GRID1: variants seen among roughly 807,000 people sequenced by gnomAD.
GRID1 encodes glutamate ionotropic receptor delta type subunit 1, also known as glutamate receptor ionotropic, delta-1.
Under a neutral mutation model 98.0 loss-of-function variants are expected in GRID1, and 28 were observed. The observed-to-expected ratio is 0.29, with a 90% confidence interval of 0.21 to 0.39. The LOEUF (loss-of-function observed/expected upper bound fraction) is 0.39, where lower values mean the gene tolerates loss of function less well. Ranked by LOEUF, GRID1 falls within the 10% of genes least tolerant of loss-of-function variation. The probability of loss-of-function intolerance (pLI) is 1.00; values close to 1 mark genes in which losing one functional copy is unlikely to be tolerated. For missense variants in GRID1, 1,111 were observed against 1,340.5 expected (o/e 0.83, Z 2.67); for synonymous variants, 553 against 538.5 (o/e 1.03, Z -0.37).
chr10:86,262,650 C>G (rs1847034217), intron 2 of GRID1, among the ~76,000 whole-genome samples: 2 of 152,222 alleles, frequency 1.3e-5, no homozygotes, highest in South Asian at 4.1e-4. Flanking sequence ...TCACTGTTAA[C>G]AAACTGAGCT....
intron 12 of GRID1, among the ~76,000 whole-genome samples, chr10:85,661,169 A>ATT (rs1261011218): frequency 7.3e-6 from 1 of 137,130 alleles, no homozygotes; most frequent in African/African-American, 2.7e-5. Context: ...TTGAATCTGC[A>ATT]TTTTTTTTTT....
At chr10:85,865,956 G>GATATATATATATATATATATAT (rs1843215575) in intron 6 of GRID1, among the ~76,000 whole-genome samples, 1 of 7,126 alleles carries the variant, frequency 1.4e-4, no homozygotes, top group Non-Finnish European at 2.6e-4. Flanking sequence ...CATATATATG[G>GATATATATATATATATATATAT]AGAGAGAGAG....
intron 2 of GRID1, among the ~76,000 whole-genome samples, chr10:86,231,888 A>G (rs971526423): frequency 2.3e-4 from 35 of 152,206 alleles, no homozygotes; most frequent in Non-Finnish European, 4.0e-4. Context: ...CCTCCATGTG[A>G]CCATGATTCC....
At chr10:86,218,361 G>T (rs1044472180) in intron 2 of GRID1, among the ~76,000 whole-genome samples, 1 of 152,014 alleles carries the variant, frequency 6.6e-6, no homozygotes, top group African/African-American at 2.4e-5. Flanking sequence ...CCCCTGCTAG[G>T]CCCTCAGCTG....
At chr10:85,975,814 T>G (rs1474999368) in intron 4 of GRID1, among the ~76,000 whole-genome samples, 1 of 152,212 alleles carries the variant, frequency 6.6e-6, no homozygotes, top group Non-Finnish European at 1.5e-5. Flanking sequence ...TCCCAAAAAC[T>G]TAATTCATGC....
At chr10:86,205,550 T>C (rs778443721) in intron 3 of GRID1, among the ~76,000 whole-genome samples, 4 of 152,216 alleles carry the variant, frequency 2.6e-5, no homozygotes, top group Admixed American at 6.5e-5. Flanking sequence ...AATATTGTAC[T>C]ACAGCTATGC....
At chr10:86,040,740 A>C (rs1412260079) in intron 4 of GRID1, among the ~76,000 whole-genome samples, 1 of 152,126 alleles carries the variant, frequency 6.6e-6, no homozygotes, top group Non-Finnish European at 1.5e-5. Flanking sequence ...TAAAAGAGAG[A>C]ATTTTGAATG....
chr10:86,228,820 C>T (rs1380847509), intron 2 of GRID1, among the ~76,000 whole-genome samples: 1 of 152,172 alleles, frequency 6.6e-6, no homozygotes, highest in Non-Finnish European at 1.5e-5. Flanking sequence ...TTTATACTCA[C>T]TTGGCAACCA....
chr10:86,249,936 G>C (rs1015786121), intron 2 of GRID1, among the ~76,000 whole-genome samples: 2 of 152,118 alleles, frequency 1.3e-5, no homozygotes, highest in African/African-American at 4.8e-5. Context: ...GTGGGTAGAT[G>C]GATGGATAGG....
At chr10:85,722,636 A>G (rs1841716391) in intron 12 of GRID1, among the ~76,000 whole-genome samples, 1 of 152,188 alleles carries the variant, frequency 6.6e-6, no homozygotes, top group Non-Finnish European at 1.5e-5. Context: ...GAAGATTGAA[A>G]AAAGCATATA....
chr10:85,629,099 A>G (rs1357272674), intron 13 of GRID1, among the ~76,000 whole-genome samples: 1 of 152,174 alleles, frequency 6.6e-6, no homozygotes, highest in Non-Finnish European at 1.5e-5. Context: ...TGCCTGTCTC[A>G]TCCTGGTATT....
intron 2 of GRID1, among the ~76,000 whole-genome samples, chr10:86,233,050 A>G (rs906974764): frequency 6.6e-6 from 1 of 152,146 alleles, no homozygotes; most frequent in Non-Finnish European, 1.5e-5. Flanking sequence ...CAGGATAACC[A>G]AAGAGAGTAC....
At position 85,916,084 on chromosome 10, in the gene GRID1, A is replaced by G. The variant is rs2131824393; in HGVS notation, c.780+102T>C. 1 of 899,772 alleles carries G rather than the reference A, an allele frequency of 1.1e-6. No homozygotes were observed. The highest frequency in any genetic ancestry group is 2.5e-5 in the East Asian group (1 of 39,844). 55.7% of individuals were successfully genotyped at this position (899,772 alleles called of 1,614,324 possible). A position where few individuals can be genotyped will look rare whatever the true frequency, so the allele number is the denominator to read the frequency against. ...TAGGTGGAGCCCCAGGATTCACAACAGCCCCCTAAGTCAGAATTGAACTGA... is the reference window on the plus strand; with the variant it reads ...TAGGTGGAGCCCCAGGATTCACAACGGCCCCCTAAGTCAGAATTGAACTGA... On this transcript the variant is annotated intron_variant, in intron 5 of 15. Coordinates refer to ENST00000327946, the MANE Select transcript of GRID1 (RefSeq NM_017551.3). This position sits in a 1 kb window ranked among gnomAD's most constrained non-coding sequence, Gnocchi z 4.0.
intron 12 of GRID1, among the ~76,000 whole-genome samples, chr10:85,666,827 G>T (rs1409689992): frequency 1.3e-5 from 2 of 152,050 alleles, no homozygotes; most frequent in African/African-American, 4.8e-5. Flanking sequence ...CCCCCATACA[G>T]CTCACATCAG....
intron 8 of GRID1, among the ~76,000 whole-genome samples, chr10:85,767,988 G>A (rs1168192390): frequency 6.6e-6 from 1 of 152,152 alleles, no homozygotes; most frequent in East Asian, 1.9e-4. Flanking sequence ...CAAAAGCTTG[G>A]AAAGCAAAAT....
At chr10:86,343,939 G>A (rs1327465033) in intron 2 of GRID1, among the ~76,000 whole-genome samples, 3 of 152,278 alleles carry the variant, frequency 2.0e-5, no homozygotes, top group Non-Finnish European at 4.4e-5. Context: ...CCTGCTGGGA[G>A]CTGGGGTGGG....
chr10:85,796,427 AG>A (rs1842526726), intron 8 of GRID1, among the ~76,000 whole-genome samples: 1 of 152,228 alleles, frequency 6.6e-6, no homozygotes, highest in Non-Finnish European at 1.5e-5. Context: ...GCTTTATTTC[AG>A]ACCTTCCATT....
chr10:85,603,344 G>T (rs1346387156), intron 15 of GRID1, among the ~76,000 whole-genome samples: 1 of 152,184 alleles, frequency 6.6e-6, no homozygotes, highest in Admixed American at 6.5e-5. Flanking sequence ...GGGCAAGGGG[G>T]CGTGGGTTCC....
rs115955101 is a variant in GRID1, at chr10:85,648,258, G to A, written c.1998-861C>T. On this transcript the variant is annotated intron_variant, in intron 12 of 15. Coordinates refer to ENST00000327946, the MANE Select transcript of GRID1 (RefSeq NM_017551.3). ...GACTTCTGAGCTAGGGGCAGAGGAG[G>A]AGACTCCTCTGGGGAAGGACAAATA... is the stretch of plus-strand genomic sequence containing the variant. Among the ~76,000 whole-genome samples, 741 of 152,236 alleles carry A rather than the reference G, an allele frequency of 4.9e-3. 7 individuals are homozygous for A. The highest frequency in any genetic ancestry group is 0.017 in the African/African-American group (711 of 41,540).
Sources: allele counts gnomAD v4.1 joint callset (sites outside exome capture counted in the v4.1 genomes callset), GRCh38; gene constraint gnomAD v4.1.1; non-coding constraint Gnocchi (gnomAD v3.1); transcripts MANE v1.5; gene names NCBI Gene and HGNC (gene_info 2026-07-23, HGNC 2026-07-21).